Variants in AAMDC observed in about 807,000 individuals in gnomAD.
AAMDC encodes mth938 domain-containing protein.
AAMDC carries 16 observed loss-of-function variants against 15.5 expected under a neutral mutation model. The ratio of observed to expected loss-of-function variants is 1.03; its 90% CI spans 0.70 to 1.57. The LOEUF (loss-of-function observed/expected upper bound fraction) is 1.57. Ranked by LOEUF, AAMDC falls within the 40% of genes most tolerant of loss-of-function variation. The pLI, the probability that AAMDC is intolerant of heterozygous loss-of-function variation, is 0.00. For synonymous variants in AAMDC, 51 were observed against 51.6 expected (o/e 0.99, Z 0.05); for missense variants, 141 against 144.9 (o/e 0.97, Z 0.14).
intron 5 of AAMDC, among the ~76,000 whole-genome samples, chr11:77,886,119 T>C (rs1293568018): frequency 6.6e-6 from 1 of 151,168 alleles, no homozygotes; most frequent in African/African-American, 2.4e-5. Flanking sequence ...GGCAGGAGGA[T>C]CCCTTGGACA....
At chr11:77,834,825 C>T (rs537919277) in intron 1 of AAMDC, among the ~76,000 whole-genome samples, 15 of 152,128 alleles carry the variant, frequency 9.9e-5, no homozygotes, top group Non-Finnish European at 2.1e-4. Flanking sequence ...AAGGACATAA[C>T]TTTTGACATC....
chr11:77,878,610 G>A (rs1951673301), intron 5 of AAMDC: 2 of 582,200 alleles, frequency 3.4e-6, no homozygotes, highest in Admixed American at 3.2e-5. Flanking sequence ...GTTATCAGGA[G>A]GTAACTGGAT....
chr11:77,881,151 G>C (rs1009157951), intron 5 of AAMDC, among the ~76,000 whole-genome samples: 3 of 152,196 alleles, frequency 2.0e-5, no homozygotes, highest in Non-Finnish European at 4.4e-5. Flanking sequence ...GATAACTCAA[G>C]CAACTTCTGC....
intron 5 of AAMDC, chr11:77,883,911 C>G: frequency 6.2e-7 from 1 of 1,613,258 alleles, no homozygotes; most frequent in Non-Finnish European, 8.5e-7. Context: ...AGTCTGCAGG[C>G]TTGGGGTGAA....
chr11:77,891,450 A>C, intron 5 of AAMDC: 1 of 1,613,806 alleles, frequency 6.2e-7, no homozygotes, highest in Non-Finnish European at 8.5e-7. Flanking sequence ...ATGGTGGCTG[A>C]GGCTTTGTGG....
chr11:77,841,679 A>T (rs1418966784), intron 1 of AAMDC, among the ~76,000 whole-genome samples: 1 of 152,128 alleles, frequency 6.6e-6, no homozygotes, highest in African/African-American at 2.4e-5. Flanking sequence ...CAAATCTTTG[A>T]TGCATATCCT....
intron 2 of AAMDC, among the ~76,000 whole-genome samples, chr11:77,868,149 A>G (rs1390307588): frequency 6.8e-6 from 1 of 146,288 alleles, no homozygotes; most frequent in Non-Finnish European, 1.5e-5. Context: ...TCTGCCTCCC[A>G]GGTTCACGCC....
At chr11:77,839,028 TTTTG>T (rs1258540735) in intron 1 of AAMDC, among the ~76,000 whole-genome samples, 3 of 152,338 alleles carry the variant, frequency 2.0e-5, no homozygotes, top group African/African-American at 4.8e-5. Flanking sequence ...GTTACCATAT[TTTTG>T]TTTATTTCTT....
chr11:77,889,242 G>T (rs1169584631), intron 5 of AAMDC, among the ~76,000 whole-genome samples: 1 of 152,048 alleles, frequency 6.6e-6, no homozygotes, highest in South Asian at 2.1e-4. Context: ...ATACTATGCA[G>T]CCATAAAAAA....
At chr11:77,885,603 G>T (rs1333775793) in intron 5 of AAMDC, among the ~76,000 whole-genome samples, 1 of 151,990 alleles carries the variant, frequency 6.6e-6, no homozygotes, top group East Asian at 1.9e-4. Context: ...TGGATTACTT[G>T]AGGTCAGGAG....
At chr11:77,830,528 G>A (rs1325088203) in intron 1 of AAMDC, among the ~76,000 whole-genome samples, 1 of 134,604 alleles carries the variant, frequency 7.4e-6, no homozygotes, top group Non-Finnish European at 1.5e-5. Flanking sequence ...AATAAATATG[G>A]AGGGCTGTGT....
At chr11:77,872,892 G>A (rs377281302), downstream of AAMDC, among the ~76,000 whole-genome samples, 49 of 152,260 alleles carry the variant, frequency 3.2e-4, no homozygotes, top group East Asian at 3.7e-3. Flanking sequence ...TAGAGGTTGC[G>A]GTGAGCCGAA....
chr11:77,833,157 T>C (rs1250362032), intron 1 of AAMDC, among the ~76,000 whole-genome samples: 1 of 151,314 alleles, frequency 6.6e-6, no homozygotes, highest in East Asian at 1.9e-4. Context: ...CTACAGGCAT[T>C]CACCACCACA....
intron 2 of AAMDC, among the ~76,000 whole-genome samples, chr11:77,868,058 CTTT>C (rs35305436): frequency 2.2e-5 from 3 of 137,072 alleles, no homozygotes; most frequent in Non-Finnish European, 4.7e-5. Flanking sequence ...TCCTCTGAGC[CTTT>C]TTTTTTTTTT....
intron 1 of AAMDC, among the ~76,000 whole-genome samples, chr11:77,831,659 G>T (rs1378597947): frequency 6.7e-6 from 1 of 150,176 alleles, no homozygotes; most frequent in Non-Finnish European, 1.5e-5. Context: ...CACACAACAT[G>T]AAAGAAGCAG....
intron 2 of AAMDC, among the ~76,000 whole-genome samples, chr11:77,844,220 GCTCTACCCTTAGGA>G (rs1473198942): frequency 6.6e-6 from 1 of 152,160 alleles, no homozygotes; most frequent in African/African-American, 2.4e-5. Context: ...ATTCATGAGG[GCTCTACCCTTAGGA>G]CCCAGTTACC....
intron 2 of AAMDC, among the ~76,000 whole-genome samples, chr11:77,856,765 C>T (rs1416906904): frequency 1.3e-5 from 2 of 152,182 alleles, no homozygotes; most frequent in African/African-American, 4.8e-5. Flanking sequence ...AAGGGGGATA[C>T]TGGCCCCATG....
intron 5 of AAMDC, chr11:77,894,421 C>T: frequency 1.3e-6 from 1 of 784,934 alleles, no homozygotes; most frequent in South Asian, 1.6e-5. Context: ...GTCCCAGAAA[C>T]CTGAGCCTAA....
downstream of AAMDC, among the ~76,000 whole-genome samples, chr11:77,904,992 T>C (rs559025312): frequency 1.4e-3 from 220 of 152,316 alleles, 1 homozygote; most frequent in African/African-American, 5.1e-3. Context: ...GATTAAGGAA[T>C]ATCAGAAACC....
Sources: allele counts gnomAD v4.1 joint callset (sites outside exome capture counted in the v4.1 genomes callset), GRCh38; gene constraint gnomAD v4.1.1; transcripts MANE v1.5; gene names NCBI Gene and HGNC (gene_info 2026-07-23, HGNC 2026-07-21).